Variants in TENM1 observed in about 807,000 individuals in gnomAD.
TENM1 encodes teneurin-1.
Under a neutral mutation model 174.8 loss-of-function variants are expected in TENM1, and 35 were observed. The ratio of observed to expected loss-of-function variants is 0.20; its 90% CI spans 0.15 to 0.27. The LOEUF (loss-of-function observed/expected upper bound fraction) is 0.27, where lower values mean the gene tolerates loss of function less well. TENM1 is among the 10% of genes least tolerant of loss of function. The probability of loss-of-function intolerance (pLI) is 1.00; values close to 1 mark genes in which losing one functional copy is unlikely to be tolerated. For synonymous variants in TENM1, 781 were observed against 798.7 expected (o/e 0.98, Z 0.37); for missense variants, 1,633 against 2,130.1 (o/e 0.77, Z 4.59).
intron 3 of TENM1, among the ~76,000 whole-genome samples, chrX:124,780,250 A>G (rs2054878211): frequency 8.9e-6 from 1 of 112,377 alleles, no homozygotes; most frequent in Non-Finnish European, 1.9e-5. Context: ...TAAAATTACA[A>G]CCCTTCAAGG....
At chrX:125,153,255 T>TA in the TENM1 span, among the ~76,000 whole-genome samples, 3 of 111,750 alleles carry the variant, frequency 2.7e-5, no homozygotes, top group Non-Finnish European at 5.6e-5. Flanking sequence ...GAGATTTTTT[T>TA]AAAAAATCAC....
chrX:124,530,490 C>T (rs961687563), intron 15 of TENM1, among the ~76,000 whole-genome samples: 1 of 110,969 alleles, frequency 9.0e-6, no homozygotes, highest in African/African-American at 3.3e-5. Context: ...TCCCTACTGA[C>T]CGCCTTTTTC....
rs185602898 is a variant in TENM1 at position 124,612,593 on chromosome X, G to C, written c.2077+29198C>G. Among the ~76,000 whole-genome samples the C allele has an allele frequency of 4.5e-3, 501 of 111,357 alleles. 4 individuals are homozygous for C. Among genetic ancestry groups the C allele is most frequent in the African/African-American group, 0.015 (469 of 30,656 alleles). On this transcript the variant is annotated intron_variant, in intron 11 of 31. Coordinates refer to ENST00000422452, the Ensembl canonical transcript of TENM1. Reference sequence around the variant, plus strand: ...TTTACCCAACAACAAATTCCCAAAAGAGAAGAGATTTCTTGTGCTATGCGT... The same window carrying C: ...TTTACCCAACAACAAATTCCCAAAACAGAAGAGATTTCTTGTGCTATGCGT...
chrX:124,959,404 G>A (rs1392371198), intron 1 of TENM1, among the ~76,000 whole-genome samples: 2 of 111,374 alleles, frequency 1.8e-5, no homozygotes, highest in South Asian at 7.6e-4. Context: ...GGATGGTGCT[G>A]GCTAAAAATA....
chrX:124,532,499 C>T (rs1038509279), intron 15 of TENM1, among the ~76,000 whole-genome samples: 49 of 111,465 alleles, frequency 4.4e-4, no homozygotes, highest in Admixed American at 1.9e-4. Flanking sequence ...GTAGACTTGT[C>T]TTTTGACTCT....
chrX:124,771,602 C>A lies in TENM1; in HGVS notation c.536-34405G>T, dbSNP rs191701525. 2.7e-5 allele frequency among the ~76,000 whole-genome samples: 3 copies of A among 112,394 alleles called. No homozygotes were observed. In the Admixed American group the frequency reaches 2.8e-4, roughly 11 times the overall value. On this transcript the variant is annotated intron_variant, in intron 3 of 31. Coordinates refer to ENST00000422452, the Ensembl canonical transcript of TENM1. The stretch of plus-strand genomic sequence containing the variant: ...ATGTCAGTTTAAAATGCACTGGATG[C>A]TTTAAATTATGTGTAGTCATGTTGT...
chrX:124,675,572 T>A (rs2052047950), intron 5 of TENM1, among the ~76,000 whole-genome samples: 1 of 109,362 alleles, frequency 9.1e-6, no homozygotes, highest in African/African-American at 3.3e-5. Context: ...CAACAAATAC[T>A]TTTTTGAGTG....
chrX:124,523,529 A>T, exon 17 of TENM1: 1 of 1,211,526 alleles, frequency 8.3e-7, no homozygotes, highest in Non-Finnish European at 1.1e-6. Flanking sequence ...CAATAAACTG[A>T]TTCCAAGGCA....
the TENM1 span, among the ~76,000 whole-genome samples, chrX:125,142,590 G>A: frequency 9.2e-6 from 1 of 109,225 alleles, no homozygotes; most frequent in African/African-American, 3.3e-5. Context: ...AAAAAAAAAA[G>A]CTGAAAAACC....
chrX:125,147,916 C>T, the TENM1 span, among the ~76,000 whole-genome samples: 1 of 111,885 alleles, frequency 8.9e-6, no homozygotes, highest in Non-Finnish European at 1.9e-5. Flanking sequence ...TAGGCCAACT[C>T]ACTGTCATGG....
At chrX:125,000,440 C>T in the TENM1 span, among the ~76,000 whole-genome samples, 9 of 111,423 alleles carry the variant, frequency 8.1e-5, no homozygotes, top group Non-Finnish European at 1.7e-4. Context: ...GTAAATGAAC[C>T]AAGGAAAGTT....
intron 3 of TENM1, among the ~76,000 whole-genome samples, chrX:124,762,192 A>G (rs1446028235): frequency 1.8e-5 from 2 of 111,964 alleles, no homozygotes; most frequent in Admixed American, 9.5e-5. Flanking sequence ...TGTGGGCCCT[A>G]TCTTCATGGA....
chrX:124,732,794 A>G (rs2053593254), intron 4 of TENM1, among the ~76,000 whole-genome samples: 1 of 112,052 alleles, frequency 8.9e-6, no homozygotes, highest in African/African-American at 3.2e-5. Context: ...GAGCTGATGG[A>G]AAGAATAAGC....
At chrX:124,873,836 TAAGA>T (rs1320363545) in intron 3 of TENM1, among the ~76,000 whole-genome samples, 3 of 111,502 alleles carry the variant, frequency 2.7e-5, no homozygotes, top group Non-Finnish European at 3.8e-5. Flanking sequence ...TTACTGAGCT[TAAGA>T]AATAAAATAT....
At chrX:124,696,435 C>T (rs1036997897) in intron 5 of TENM1, among the ~76,000 whole-genome samples, 10 of 111,377 alleles carry the variant, frequency 9.0e-5, no homozygotes, top group Non-Finnish European at 1.7e-4. Flanking sequence ...GGAGGTAGCA[C>T]ATGATCTTTA....
chrX:124,758,433 C>T (rs997900667), intron 3 of TENM1, among the ~76,000 whole-genome samples: 5 of 109,948 alleles, frequency 4.5e-5, no homozygotes, highest in Non-Finnish European at 9.5e-5. Flanking sequence ...TGTGCACTGT[C>T]GGTGGGAATG....
At chrX:124,688,937 A>G (rs993936916) in intron 5 of TENM1, 1 of 111,996 alleles carries the variant, frequency 8.9e-6, no homozygotes, top group Non-Finnish European at 1.9e-5. Flanking sequence ...TGTTAGACAT[A>G]TGAATTAATT....
the TENM1 span, among the ~76,000 whole-genome samples, chrX:125,050,936 T>C: frequency 8.9e-6 from 1 of 112,166 alleles, no homozygotes; most frequent in Non-Finnish European, 1.9e-5. Context: ...CATGATTGTA[T>C]ATTTAGAAAA....
chrX:124,819,571 T>C (rs1260712882), intron 3 of TENM1, among the ~76,000 whole-genome samples: 1 of 110,530 alleles, frequency 9.0e-6, no homozygotes, highest in East Asian at 2.8e-4. Context: ...TTACCAATAG[T>C]GGCTCTTCCT....
Sources: gnomAD v4.1 joint callset for allele counts (sites outside exome capture counted in the v4.1 genomes callset) on GRCh38, gnomAD v4.1.1 for gene constraint, MANE v1.5 for transcripts, NCBI Gene and HGNC (gene_info 2026-07-23, HGNC 2026-07-21) for gene names.